The following CYTH1 variants were observed in gnomAD, a reference collection of about 807,000 sequenced individuals.
The protein encoded by CYTH1 is cytohesin-1.
A neutral mutation model predicts 61.8 loss-of-function variants in CYTH1; 18 were observed. The ratio of observed to expected loss-of-function variants is 0.29; its 90% CI spans 0.20 to 0.43. CYTH1 has a LOEUF of 0.43. Among genes scored for constraint, CYTH1 ranks in the 20% least tolerant of loss-of-function variants. CYTH1 has a pLI of 1.00. For synonymous variants in CYTH1, 174 were observed against 184.3 expected (o/e 0.94, Z 0.45); for missense variants, 336 against 510.5 (o/e 0.66, Z 3.29).
At chr17:78,707,459 G>A (rs2144377971) in intron 3 of CYTH1, among the ~76,000 whole-genome samples, 1 of 152,008 alleles carries the variant, frequency 6.6e-6, no homozygotes, top group East Asian at 1.9e-4. Context: ...CTTCCCTTAA[G>A]CATTAGGAAG....
intron 10 of CYTH1, among the ~76,000 whole-genome samples, chr17:78,693,990 C>A (rs1164249285): frequency 6.6e-6 from 1 of 152,226 alleles, no homozygotes; most frequent in Admixed American, 6.5e-5. Context: ...CATGCTTTCT[C>A]TCTTGCCCTC....
chr17:78,734,972 T>A (rs1235960773), intron 1 of CYTH1, among the ~76,000 whole-genome samples: 2 of 152,104 alleles, frequency 1.3e-5, no homozygotes, highest in African/African-American at 4.8e-5. Flanking sequence ...GTCCCCCTCC[T>A]TTTACACCTA....
chr17:78,741,518 G>A (rs544335853), intron 1 of CYTH1, among the ~76,000 whole-genome samples: 1 of 152,280 alleles, frequency 6.6e-6, no homozygotes, highest in East Asian at 1.9e-4. Context: ...GTGCAGAAAG[G>A]TAAGATAGGC....
chr17:78,738,798 C>T (rs2093331189), intron 1 of CYTH1, among the ~76,000 whole-genome samples: 1 of 152,206 alleles, frequency 6.6e-6, no homozygotes, highest in African/African-American at 2.4e-5. Flanking sequence ...GTCTGATTCA[C>T]AGCCAGTGAT....
intron 1 of CYTH1, among the ~76,000 whole-genome samples, chr17:78,765,105 C>G (rs565375689): frequency 6.6e-6 from 1 of 152,248 alleles, no homozygotes; most frequent in Non-Finnish European, 1.5e-5. Flanking sequence ...AGCTGGGGAG[C>G]GTGCCTGGTG....
intron 8 of CYTH1, 99 bp from the exon 9 acceptor site, chr17:78,698,479 G>T: frequency 1.0e-6 from 1 of 979,868 alleles, no homozygotes; most frequent in Non-Finnish European, 1.6e-6. Flanking sequence ...TGTGCCTATA[G>T]TAAGCCAAGC....
chr17:78,683,102 T>TCA (rs1456533130), intron 11 of CYTH1, among the ~76,000 whole-genome samples: 1 of 152,248 alleles, frequency 6.6e-6, no homozygotes, highest in African/African-American at 2.4e-5. Context: ...CATTGAGTTT[T>TCA]CACTTCTACC....
intron 1 of CYTH1, among the ~76,000 whole-genome samples, chr17:78,758,507 C>A (rs1238445791): frequency 6.6e-6 from 1 of 152,138 alleles, no homozygotes; most frequent in Non-Finnish European, 1.5e-5. Context: ...GAGTTCGAGA[C>A]CAGCCTGACA....
intron 1 of CYTH1, among the ~76,000 whole-genome samples, chr17:78,724,847 C>G (rs769849582): frequency 6.6e-6 from 1 of 152,224 alleles, no homozygotes; most frequent in East Asian, 1.9e-4. Context: ...GGCAGTGCCA[C>G]CAGGCCTGAC....
chr17:78,714,307 T>A (rs568875314), intron 1 of CYTH1, among the ~76,000 whole-genome samples: 6 of 151,204 alleles, frequency 4.0e-5, no homozygotes, highest in African/African-American at 7.3e-5. Flanking sequence ...TTTAAAAATT[T>A]AAAAAAAATA....
chr17:78,677,192 G>T, intron 13 of CYTH1: 1 of 403,710 alleles, frequency 2.5e-6, no homozygotes, highest in Non-Finnish European at 5.0e-6. Context: ...TTTCACGAGG[G>T]AATCTGGCGG....
intron 11 of CYTH1, among the ~76,000 whole-genome samples, chr17:78,685,997 C>T (rs1236357963): frequency 1.3e-5 from 2 of 152,286 alleles, no homozygotes; most frequent in East Asian, 3.9e-4. Context: ...GTAACAGTTT[C>T]CTGAAATACG....
chr17:78,698,183 A>AAACACG (rs2092964802), intron 9 of CYTH1, 86 bp downstream of exon 9: 1 of 1,097,836 alleles, frequency 9.1e-7, no homozygotes, highest in Non-Finnish European at 1.4e-6. Flanking sequence ...GCACACGCGC[A>AAACACG]CACACGCACG....
chr17:78,782,166 G>T, intron 1 of CYTH1, 36 bp downstream of exon 1: 1 of 1,353,878 alleles, frequency 7.4e-7, no homozygotes, highest in Middle Eastern at 2.6e-4. Context: ...CTGGGGGACA[G>T]CGAGGGGGAA....
chr17:78,676,591 T>G (rs1432163019), intron 13 of CYTH1: 11 of 274,232 alleles, frequency 4.0e-5, no homozygotes, highest in Middle Eastern at 1.3e-3. Flanking sequence ...GGGTGTGTGA[T>G]AGCTGGCATG....
chr17:78,763,868 T>C (rs767471681), intron 1 of CYTH1, among the ~76,000 whole-genome samples: 4 of 152,144 alleles, frequency 2.6e-5, no homozygotes, highest in Non-Finnish European at 4.4e-5. Context: ...CCCAACACTT[T>C]GGAAGGCTGA....
At chr17:78,743,870 C>G (rs1418712864) in intron 1 of CYTH1, among the ~76,000 whole-genome samples, 5 of 152,184 alleles carry the variant, frequency 3.3e-5, no homozygotes, top group Non-Finnish European at 7.3e-5. Context: ...TAGGCATGGC[C>G]TATAGATTGA....
chr17:78,772,841 TG>T (rs1033824061), intron 1 of CYTH1, among the ~76,000 whole-genome samples: 1 of 151,080 alleles, frequency 6.6e-6, no homozygotes, highest in Admixed American at 6.6e-5. Context: ...TGGCCTGTTT[TG>T]TTTTTGAGAC....
intron 1 of CYTH1, among the ~76,000 whole-genome samples, chr17:78,768,512 T>C (rs889823940): frequency 6.6e-6 from 1 of 152,204 alleles, no homozygotes; most frequent in African/African-American, 2.4e-5. Flanking sequence ...CAAGCAGTCA[T>C]CCAAAGACAG....
Sources: gnomAD v4.1 joint callset for allele counts (sites outside exome capture counted in the v4.1 genomes callset) on GRCh38, gnomAD v4.1.1 for gene constraint, MANE v1.5 for transcripts, NCBI Gene and HGNC (gene_info 2026-07-23, HGNC 2026-07-21) for gene names.